The following DGKI variants were observed in gnomAD, a reference collection of about 807,000 sequenced individuals.
DGKI encodes the protein diacylglycerol kinase iota.
DGKI carries 55 observed loss-of-function variants against 147.5 expected under a neutral mutation model. That is an observed-to-expected ratio of 0.37 (90% CI 0.30 to 0.47). The LOEUF (loss-of-function observed/expected upper bound fraction) is 0.47. Ranked by LOEUF, DGKI falls within the 20% of genes least tolerant of loss-of-function variation. The probability of loss-of-function intolerance (pLI) is 1.00; values close to 1 mark genes in which losing one functional copy is unlikely to be tolerated. For missense variants in DGKI, 1,007 were observed against 1,323.8 expected (o/e 0.76, Z 3.71); for synonymous variants, 469 against 477.1 (o/e 0.98, Z 0.22).
chr7:137,661,350 C>T (rs910792958), intron 3 of DGKI, among the ~76,000 whole-genome samples: 34 of 152,094 alleles, frequency 2.2e-4, no homozygotes, highest in African/African-American at 8.2e-4. Flanking sequence ...TCCAGAATTC[C>T]CAGACGTAAT....
intron 29 of DGKI, among the ~76,000 whole-genome samples, chr7:137,408,628 A>G (rs911556297): frequency 3.9e-5 from 6 of 152,172 alleles, no homozygotes; most frequent in African/African-American, 1.4e-4. Flanking sequence ...CATCCAACAC[A>G]TACCTAATAG....
At chr7:137,636,478 G>C (rs1050973542) in intron 6 of DGKI, among the ~76,000 whole-genome samples, 7 of 152,182 alleles carry the variant, frequency 4.6e-5, no homozygotes, top group Non-Finnish European at 8.8e-5. Flanking sequence ...GTAGCACCAG[G>C]AATGGACAGT....
intron 6 of DGKI, among the ~76,000 whole-genome samples, chr7:137,636,042 A>G (rs1821298744): frequency 6.6e-6 from 1 of 152,244 alleles, no homozygotes; most frequent in Non-Finnish European, 1.5e-5. Flanking sequence ...TCCTGACAGG[A>G]GTAATTGATC....
In DGKI at chr7:137,645,478, A is replaced by G. The variant is rs745534622; in HGVS notation, c.798T>C (p.Cys266=). Reference sequence around the variant, plus strand: ...GAGGTGGCTGGGCTCTTACCTTACCACACTGCTTACATTTCCCCTCCTGCC... The same window carrying G: ...GAGGTGGCTGGGCTCTTACCTTACCGCACTGCTTACATTTCCCCTCCTGCC... The part of the protein sequence containing the change: ...RRRQEGKCKQ[C]GKGFQQKFSF... Residue 266 remains cysteine (C), a synonymous_variant, in exon 6 of 33, where the codon TGT becomes TGC. Coordinates refer to ENST00000614521, the MANE Select transcript of DGKI (RefSeq NM_001321708.2). 30 of 1,613,334 alleles carry G rather than the reference A, an allele frequency of 1.9e-5. No homozygotes were observed. The highest frequency in any genetic ancestry group is 2.2e-5 in the Non-Finnish European group (26 of 1,179,622).
intron 8 of DGKI, among the ~76,000 whole-genome samples, chr7:137,618,709 G>A (rs1820637026): frequency 6.6e-6 from 1 of 152,036 alleles, no homozygotes; most frequent in Non-Finnish European, 1.5e-5. Context: ...ATTTCAAATA[G>A]TAATACTATA....
intron 15 of DGKI, among the ~76,000 whole-genome samples, chr7:137,579,435 G>GT (rs1437740530): frequency 1.2e-5 from 1 of 83,240 alleles, no homozygotes; most frequent in Non-Finnish European, 2.2e-5. Flanking sequence ...AACAGAAACA[G>GT]TAAAAAAAAA....
At chr7:137,511,653 T>C (rs760660742) in intron 21 of DGKI, among the ~76,000 whole-genome samples, 12 of 152,322 alleles carry the variant, frequency 7.9e-5, no homozygotes, top group Non-Finnish European at 1.3e-4. Flanking sequence ...ATGAATGAAC[T>C]CAAGGATTTT....
chr7:137,555,580 G>A (rs1188037887), intron 19 of DGKI, among the ~76,000 whole-genome samples: 1 of 151,844 alleles, frequency 6.6e-6, no homozygotes, highest in East Asian at 1.9e-4. Flanking sequence ...ATAATACAGA[G>A]TTCTGAAAAT....
intron 28 of DGKI, among the ~76,000 whole-genome samples, chr7:137,419,632 T>G (rs1812484902): frequency 6.6e-6 from 1 of 152,188 alleles, no homozygotes; most frequent in Non-Finnish European, 1.5e-5. Flanking sequence ...ATTATGCTAA[T>G]GAGGCATAAA....
At chr7:137,428,630 C>T (rs554151784) in intron 28 of DGKI, among the ~76,000 whole-genome samples, 21 of 152,238 alleles carry the variant, frequency 1.4e-4, no homozygotes, top group African/African-American at 5.1e-4. Flanking sequence ...TTGCAGATGA[C>T]ATGATTGTAT....
chr7:137,409,748 T>A (rs1443001025), intron 29 of DGKI, among the ~76,000 whole-genome samples: 2 of 152,154 alleles, frequency 1.3e-5, no homozygotes, highest in African/African-American at 4.8e-5. Flanking sequence ...CCTGTGCTGT[T>A]TCTAGACACC....
chr7:137,454,281 A>T (rs781565956), intron 27 of DGKI, among the ~76,000 whole-genome samples: 7 of 152,316 alleles, frequency 4.6e-5, no homozygotes, highest in East Asian at 1.9e-4. Context: ...AACTAATTTT[A>T]AAAAAACGCT....
intron 3 of DGKI, among the ~76,000 whole-genome samples, chr7:137,675,562 G>A (rs1289271457): frequency 6.6e-6 from 1 of 151,832 alleles, no homozygotes; most frequent in Admixed American, 6.6e-5. Context: ...ACTTGCACCT[G>A]TAACCCCAGC....
At chr7:137,558,457 T>C (rs2692001) in intron 19 of DGKI, among the ~76,000 whole-genome samples, 16,599 of 152,118 alleles carry the variant, frequency 0.11, 2,044 homozygotes, top group African/African-American at 0.3. Flanking sequence ...TTTGTATTTT[T>C]AGTAGAGACA....
chr7:137,497,584 T>A (rs1410284282), intron 21 of DGKI, among the ~76,000 whole-genome samples: 1 of 151,954 alleles, frequency 6.6e-6, no homozygotes, highest in Non-Finnish European at 1.5e-5. Context: ...ATGTGGGACA[T>A]ATACACCATG....
At position 137,737,505 on chromosome 7, in the gene DGKI, G is replaced by A. The variant is rs572820968; in HGVS notation, c.402-47503C>T. On this transcript the variant is annotated intron_variant, in intron 1 of 32. Coordinates refer to ENST00000614521, the MANE Select transcript of DGKI (RefSeq NM_001321708.2). ...GATGATAATGGACTTTAGTCCCTTC[G>A]TTTTATTAAAAAAAAAAAAAGTTAA... Among the ~76,000 whole-genome samples, 29 of 140,702 alleles carry A rather than the reference G, an allele frequency of 2.1e-4. No individual in the cohort carries two copies. The East Asian group carries it at 3.5e-3, about 17-fold the overall frequency. The allele number at this position is 140,702 out of a possible 152,430, so 92.3% of individuals were successfully genotyped here.
intron 25 of DGKI, among the ~76,000 whole-genome samples, chr7:137,466,262 A>G (rs539426766): frequency 5.9e-5 from 9 of 152,222 alleles, no homozygotes; most frequent in Non-Finnish European, 1.3e-4. Flanking sequence ...TTTCTTAGAT[A>G]TATCTAGAAA....
intron 28 of DGKI, among the ~76,000 whole-genome samples, chr7:137,427,975 AG>A (rs1374725811): frequency 6.6e-6 from 1 of 151,054 alleles, no homozygotes. Flanking sequence ...CAGAGGTACA[AG>A]GAGGAACTGG....
intron 21 of DGKI, among the ~76,000 whole-genome samples, chr7:137,498,346 G>A (rs930143809): frequency 2.6e-5 from 4 of 151,706 alleles, no homozygotes; most frequent in East Asian, 3.9e-4. Flanking sequence ...CCCATAATAC[G>A]AGTCTCAAAA....
Sources: gnomAD v4.1 joint callset for allele counts (sites outside exome capture counted in the v4.1 genomes callset) on GRCh38, gnomAD v4.1.1 for gene constraint, MANE v1.5 for transcripts, NCBI Gene and HGNC (gene_info 2026-07-23, HGNC 2026-07-21) for gene names.